Variants in LINGO2 observed in about 807,000 individuals in gnomAD.
LINGO2 encodes leucine rich repeat and Ig domain containing 2, also known as leucine-rich repeat and immunoglobulin-like domain-containing nogo receptor-interacting protein 2.
LINGO2 carries 14 observed loss-of-function variants against 30.6 expected under a neutral mutation model. The ratio of observed to expected loss-of-function variants is 0.46; its 90% CI spans 0.30 to 0.72. The LOEUF (loss-of-function observed/expected upper bound fraction) is 0.72, where lower values mean the gene tolerates loss of function less well. LINGO2 is among the 30% of genes least tolerant of loss of function. The pLI is 0.07. For synonymous variants in LINGO2, 317 were observed against 288.5 expected, an observed-to-expected ratio of 1.10 and a Z score of -1.00; for missense variants, 729 against 751.7, an observed-to-expected ratio of 0.97 and a Z score of 0.35.
the LINGO2 span, among the ~76,000 whole-genome samples, chr9:29,182,653 T>C: frequency 3.1e-4 from 47 of 151,442 alleles, no homozygotes; most frequent in East Asian, 4.3e-3. Context: ...TTCCACCTGT[T>C]AGCCAAGGAA....
intron 3 of LINGO2, among the ~76,000 whole-genome samples, chr9:28,346,330 T>C (rs1178251593): frequency 6.6e-6 from 1 of 152,172 alleles, no homozygotes; most frequent in Non-Finnish European, 1.5e-5. Context: ...TTGCTAAGGA[T>C]AATGGCCTCC....
the LINGO2 span, among the ~76,000 whole-genome samples, chr9:28,940,345 C>T: frequency 1.2e-4 from 18 of 152,132 alleles, no homozygotes; most frequent in African/African-American, 4.1e-4. Flanking sequence ...TCCCTTCTAC[C>T]AGATTATAAA....
intron 5 of LINGO2, among the ~76,000 whole-genome samples, chr9:27,953,335 C>T (rs1368085217): frequency 6.6e-6 from 1 of 152,152 alleles, no homozygotes; most frequent in East Asian, 1.9e-4. Flanking sequence ...ATGTTTGTTA[C>T]AGATTTGTCT....
rs999240914 is a variant in LINGO2, at chr9:28,098,656, G to A, written c.-86-86251C>T. On this transcript the variant is annotated intron_variant, in intron 4 of 5. Transcript: ENST00000379992. ...ACTGGTCACTGGCCAAGGCACATGT[G>A]AATTATAAGAGTCAAGAATGCTAAG... 3.3e-5 allele frequency among the ~76,000 whole-genome samples: 5 copies of A among 152,276 alleles called. No individual in the cohort carries two copies. The East Asian group carries it at 9.7e-4, about 29-fold the overall frequency.
intron 4 of LINGO2, among the ~76,000 whole-genome samples, chr9:28,127,364 G>A (rs1178798993): frequency 6.6e-6 from 1 of 152,202 alleles, no homozygotes; most frequent in Non-Finnish European, 1.5e-5. Flanking sequence ...GGCCCTGGAG[G>A]ATGAGAGACT....
chr9:27,944,690 T>G (rs894320372), downstream of LINGO2, among the ~76,000 whole-genome samples: 6 of 152,090 alleles, frequency 3.9e-5, no homozygotes, highest in African/African-American at 1.2e-4. Context: ...AGGCACATGA[T>G]GTATGAGTCT....
intron 4 of LINGO2, among the ~76,000 whole-genome samples, chr9:28,106,921 AT>A (rs1271417470): frequency 6.6e-6 from 1 of 152,134 alleles, no homozygotes; most frequent in Non-Finnish European, 1.5e-5. Flanking sequence ...CCTGTCTCTC[AT>A]GCTCATGTGA....
At chr9:29,052,690 G>A in the LINGO2 span, among the ~76,000 whole-genome samples, 5 of 152,122 alleles carry the variant, frequency 3.3e-5, no homozygotes, top group Admixed American at 3.3e-4. Flanking sequence ...ACATCTCATT[G>A]AACAAACTCC....
intron 5 of LINGO2, among the ~76,000 whole-genome samples, chr9:27,967,837 TAATTCATACTA>T (rs1183649953): frequency 1.3e-5 from 2 of 152,172 alleles, no homozygotes; most frequent in Non-Finnish European, 2.9e-5. Context: ...TGCCTACTCT[TAATTCATACTA>T]AATTGTTATT....
the LINGO2 span, among the ~76,000 whole-genome samples, chr9:28,941,788 T>G: frequency 6.6e-6 from 1 of 152,190 alleles, no homozygotes; most frequent in Non-Finnish European, 1.5e-5. Context: ...ACATGTTCCT[T>G]AAAACCTTTG....
chr9:28,389,896 C>T (rs1821755692), intron 2 of LINGO2, among the ~76,000 whole-genome samples: 1 of 152,108 alleles, frequency 6.6e-6, no homozygotes, highest in Non-Finnish European at 1.5e-5. Context: ...TGATATGTTT[C>T]TAATATGAGG....
intron 2 of LINGO2, among the ~76,000 whole-genome samples, chr9:28,446,422 A>G (rs1824427025): frequency 6.6e-6 from 1 of 152,214 alleles, no homozygotes; most frequent in Admixed American, 6.5e-5. Context: ...CAAATTTTAA[A>G]CAAGGTCCAA....
At chr9:28,229,772 A>T (rs1055332910) in intron 4 of LINGO2, among the ~76,000 whole-genome samples, 2 of 151,890 alleles carry the variant, frequency 1.3e-5, no homozygotes, top group Non-Finnish European at 3.0e-5. Context: ...ATAAGGTCAC[A>T]GGAATTTTAC....
intron 1 of LINGO2, among the ~76,000 whole-genome samples, chr9:28,573,023 A>G (rs777700247): frequency 5.3e-5 from 8 of 152,272 alleles, no homozygotes; most frequent in South Asian, 2.1e-4. Flanking sequence ...TCATATACAC[A>G]AAGGTGTATT....
At chr9:28,099,711 C>T (rs186171067) in intron 4 of LINGO2, among the ~76,000 whole-genome samples, 24 of 152,192 alleles carry the variant, frequency 1.6e-4, no homozygotes, top group Non-Finnish European at 1.2e-4. Flanking sequence ...CTCTTAACAC[C>T]CAAACTATCC....
chr9:28,213,560 C>CT (rs1245944689), intron 4 of LINGO2, among the ~76,000 whole-genome samples: 14 of 151,164 alleles, frequency 9.3e-5, no homozygotes, highest in Admixed American at 6.6e-4. Flanking sequence ...TTCCTGGATC[C>CT]TTTTTTTTCT....
chr9:28,703,119 C>A, the LINGO2 span, among the ~76,000 whole-genome samples: 1 of 151,518 alleles, frequency 6.6e-6, no homozygotes, highest in Admixed American at 6.6e-5. Flanking sequence ...TTCAGTTTTA[C>A]TGATTTCTGC....
the LINGO2 span, among the ~76,000 whole-genome samples, chr9:28,760,575 G>T: frequency 2.0e-5 from 3 of 151,886 alleles, no homozygotes; most frequent in African/African-American, 7.3e-5. Context: ...TTCTTTAGCG[G>T]TGATTTGTGA....
chr9:28,037,547 C>CT (rs1440440388), intron 4 of LINGO2, among the ~76,000 whole-genome samples: 1 of 152,118 alleles, frequency 6.6e-6, no homozygotes, highest in East Asian at 1.9e-4. Flanking sequence ...CTCTTATAGG[C>CT]TTTTTTATTC....
Sources: allele counts gnomAD v4.1 joint callset (sites outside exome capture counted in the v4.1 genomes callset), GRCh38; gene constraint gnomAD v4.1.1; transcripts MANE v1.5; gene names NCBI Gene and HGNC (gene_info 2026-07-23, HGNC 2026-07-21).